Variants in LHPP observed in about 807,000 individuals in gnomAD.
LHPP encodes the protein phospholysine phosphohistidine inorganic pyrophosphate phosphatase.
LHPP carries 24 observed loss-of-function variants against 30.3 expected under a neutral mutation model. The observed-to-expected ratio is 0.79, with a 90% CI of 0.57 to 1.11. The LOEUF (loss-of-function observed/expected upper bound fraction) is 1.11. Ranked by LOEUF, LHPP falls within the 50% of genes most tolerant of loss-of-function variation. The pLI is 0.00. For missense variants in LHPP, 356 were observed against 367.2 expected (o/e 0.97, Z 0.25); for synonymous variants, 150 against 157.1 (o/e 0.95, Z 0.34).
At position 124,490,208 on chromosome 10, in the gene LHPP, G is replaced by T. The variant is rs369294571; in HGVS notation, c.467+1633G>T. 25 of 182,038 alleles carry T rather than the reference G, an allele frequency of 1.4e-4. 1 individual carries two copies. Among genetic ancestry groups the T allele is most frequent in the Admixed American group, 1.2e-3 (20 of 16,164 alleles). 11.3% of individuals were successfully genotyped at this position (182,038 alleles called of 1,614,324 possible). A position where few individuals can be genotyped will look rare whatever the true frequency, so the allele number is the denominator to read the frequency against. On this transcript the variant is annotated intron_variant, in intron 3 of 6. Transcript: ENST00000368842. ...TGGGTATCTCTCCCTGTCTGTGGGT[G>T]TCTCTGTTGGCTTCCCCACTTGTGG...
In LHPP at chr10:124,593,360, G is replaced by A. The variant is rs200345389; in HGVS notation, c.717-19904G>A. Among the ~76,000 whole-genome samples the A allele has an allele frequency of 3.9e-5, 6 of 152,172 alleles. No individual in the cohort carries two copies. The East Asian group carries it at 7.7e-4, about 20-fold the overall frequency. On this transcript the variant is annotated intron_variant, in intron 6 of 6. Coordinates refer to ENST00000368842, the MANE Select transcript of LHPP (RefSeq NM_022126.4). This position sits in a 1 kb window ranked among gnomAD's most constrained non-coding sequence, Gnocchi z 4.9. ...CCTCTTAGGTACAGCCTCCCTGGCC[G>A]CCTCGGATGAGCATCTGCCCCTCCC...
At chr10:124,503,587 T>G (rs547355981) in intron 5 of LHPP, among the ~76,000 whole-genome samples, 1 of 152,166 alleles carries the variant, frequency 6.6e-6, no homozygotes, top group Admixed American at 6.5e-5. Flanking sequence ...CATTTACATT[T>G]GTTTTGTAGT....
chr10:124,520,443 T>C (rs1425374595), intron 6 of LHPP, among the ~76,000 whole-genome samples: 1 of 152,100 alleles, frequency 6.6e-6, no homozygotes, highest in Non-Finnish European at 1.5e-5. Context: ...CTACTGTCCA[T>C]ATCCATCCGT....
Position 124,523,377 on chromosome 10 carries a change from T to C in LHPP, c.716+6106T>C, listed in dbSNP as rs768361155. Among the ~76,000 whole-genome samples, 1 of 152,102 alleles carries C rather than the reference T, an allele frequency of 6.6e-6. No homozygotes were observed. The highest frequency in any genetic ancestry group is 2.4e-5 in the African/African-American group (1 of 41,398). On this transcript the variant is annotated intron_variant, in intron 6 of 6. Transcript: ENST00000368842. This position sits in a 1 kb window ranked among gnomAD's most constrained non-coding sequence, Gnocchi z 4.2. ...AGCTGGAAGACGAGGGGCTGCAGGG[T>C]GCATGGCTGTGGAGCTGGCTGCGTC...
At chr10:124,573,013 G>C (rs945207995) in intron 6 of LHPP, among the ~76,000 whole-genome samples, 1 of 152,242 alleles carries the variant, frequency 6.6e-6, no homozygotes, top group South Asian at 2.1e-4. Flanking sequence ...TCAACTGCGT[G>C]GTGTGGGTAA....
chr10:124,522,992 G>T (rs894029201), intron 6 of LHPP, among the ~76,000 whole-genome samples: 2 of 152,232 alleles, frequency 1.3e-5, no homozygotes, highest in Middle Eastern at 3.4e-3. Context: ...AAACCAGGCC[G>T]TGTGGCCTCT....
At chr10:124,583,198 C>A (rs1948762934) in intron 6 of LHPP, among the ~76,000 whole-genome samples, 1 of 152,134 alleles carries the variant, frequency 6.6e-6, no homozygotes, top group Admixed American at 6.5e-5. Context: ...GTTTTGGTGG[C>A]ATATCTAAGA....
chr10:124,598,409 A>G (rs1020712227), intron 6 of LHPP, among the ~76,000 whole-genome samples: 1 of 152,212 alleles, frequency 6.6e-6, no homozygotes, highest in Non-Finnish European at 1.5e-5. Flanking sequence ...TGGCCACCGC[A>G]GGGCAGGAGT....
At chr10:124,527,512 C>T (rs1223534684) in intron 6 of LHPP, among the ~76,000 whole-genome samples, 2 of 152,212 alleles carry the variant, frequency 1.3e-5, no homozygotes, top group Non-Finnish European at 2.9e-5. Flanking sequence ...GACAAGGCCC[C>T]CTACTCCAGC....
intron 6 of LHPP, among the ~76,000 whole-genome samples, chr10:124,595,076 T>C (rs1161364743): frequency 1.3e-5 from 2 of 152,160 alleles, no homozygotes; most frequent in East Asian, 3.8e-4. Context: ...TAATACACCA[T>C]GTCATTTAAT....
At chr10:124,526,910 G>A (rs1205890291) in intron 6 of LHPP, among the ~76,000 whole-genome samples, 1 of 152,378 alleles carries the variant, frequency 6.6e-6, no homozygotes, top group African/African-American at 2.4e-5. Context: ...AGCAAGCAGG[G>A]GAAGAAGGGG....
intron 6 of LHPP, among the ~76,000 whole-genome samples, chr10:124,568,514 G>A (rs925072897): frequency 1.3e-5 from 2 of 152,226 alleles, no homozygotes; most frequent in Non-Finnish European, 2.9e-5. Context: ...CCCTGCGCTT[G>A]TGAGATCCCT....
At chr10:124,486,066 A>T (rs539352012) in intron 2 of LHPP, among the ~76,000 whole-genome samples, 2 of 152,346 alleles carry the variant, frequency 1.3e-5, no homozygotes, top group Admixed American at 6.5e-5. Flanking sequence ...ACACTTCAGC[A>T]TATCATTGGA....
chr10:124,544,926 T>C (rs998956176), intron 6 of LHPP, among the ~76,000 whole-genome samples: 2 of 152,312 alleles, frequency 1.3e-5, no homozygotes, highest in African/African-American at 2.4e-5. Context: ...GGGCTGTGCA[T>C]GGGCGGCCTG....
chr10:124,575,736 C>T lies in LHPP; in HGVS notation c.717-37528C>T, dbSNP rs539071612. 3.2e-4 allele frequency among the ~76,000 whole-genome samples: 49 copies of T among 152,292 alleles called. 1 individual carries two copies. Among genetic ancestry groups the T allele is most frequent in the African/African-American group, 1.1e-3 (46 of 41,564 alleles). ...AGCTTCCCTGGACCCACTGCCACTG[C>T]GTCACGTGGTCGGATCTGTGTCCCC... On this transcript the variant is annotated intron_variant, in intron 6 of 6. Coordinates refer to ENST00000368842, the MANE Select transcript of LHPP (RefSeq NM_022126.4).
At chr10:124,483,981 A>C (rs1953230853) in intron 1 of LHPP, among the ~76,000 whole-genome samples, 158 bp from the exon 2 acceptor site, 1 of 152,062 alleles carries the variant, frequency 6.6e-6, no homozygotes, top group African/African-American at 2.4e-5. Flanking sequence ...TCCCAGCCTG[A>C]ACACATCCTG....
rs1437738654 is a variant in LHPP at position 124,484,382 on chromosome 10, T to A, written c.313+56T>A. ...GGGTGAAAGCTCCCCTTTCCCAGGGTGGGGGCTGTGCAGAGAGCCTCTTTC... is the reference window on the plus strand; with the variant it reads ...GGGTGAAAGCTCCCCTTTCCCAGGGAGGGGGCTGTGCAGAGAGCCTCTTTC... On this transcript the variant is annotated intron_variant, in intron 2 of 6. Transcript: ENST00000368842. 2.0e-6 allele frequency: 3 copies of A among 1,529,168 alleles called. No individual in the cohort carries two copies. In the East Asian group the frequency reaches 6.8e-5, roughly 35 times the overall value. The allele number at this position is 1,529,168 out of a possible 1,614,324, so 94.7% of individuals were successfully genotyped here.
rs186326329 is a variant in LHPP at position 124,520,660 on chromosome 10, G to A, written c.716+3389G>A. On this transcript the variant is annotated intron_variant, in intron 6 of 6. Transcript: ENST00000368842. ...GCTTGGCTAAGGTAGGGACCCAGTC[G>A]CTGGGGGAGGCCACATGGGCATCAA... 1.3e-3 allele frequency among the ~76,000 whole-genome samples: 198 copies of A among 152,322 alleles called. 1 individual carries two copies. Among genetic ancestry groups the A allele is most frequent in the African/African-American group, 4.5e-3 (188 of 41,556 alleles).
chr10:124,479,292 C>T (rs1953052674), intron 1 of LHPP, among the ~76,000 whole-genome samples: 1 of 152,126 alleles, frequency 6.6e-6, no homozygotes, highest in Admixed American at 6.5e-5. Flanking sequence ...TTTGCAGGGG[C>T]TCTTTGTACA....
Sources: allele counts gnomAD v4.1 joint callset (sites outside exome capture counted in the v4.1 genomes callset), GRCh38; gene constraint gnomAD v4.1.1; non-coding constraint Gnocchi (gnomAD v3.1); transcripts MANE v1.5; gene names NCBI Gene and HGNC (gene_info 2026-07-23, HGNC 2026-07-21).